The following BLTP3A variants were observed in gnomAD, a reference collection of about 807,000 sequenced individuals.
BLTP3A encodes the protein ICBP90 binding protein 1.
At chr6:34,842,071 T>TA in the BLTP3A span, among the ~76,000 whole-genome samples, 1 of 152,224 alleles carries the variant, frequency 6.6e-6, no homozygotes, top group Non-Finnish European at 1.5e-5. Context: ...TGATAATTGT[T>TA]AATTATATTT....
At chr6:34,836,489 C>T in the BLTP3A span, 2 of 734,888 alleles carry the variant, frequency 2.7e-6, no homozygotes, top group African/African-American at 1.8e-5. Context: ...ATTCCTTGGG[C>T]CTCAGCCCTC....
chr6:34,871,935 TAACAG>T, the BLTP3A span: 1 of 1,612,496 alleles, frequency 6.2e-7, no homozygotes. Flanking sequence ...GGTGAGGACC[TAACAG>T]AACAGTAGCT....
the BLTP3A span, among the ~76,000 whole-genome samples, chr6:34,810,446 A>G: frequency 6.6e-6 from 1 of 152,228 alleles, no homozygotes; most frequent in Admixed American, 6.5e-5. Context: ...TTATCACAGC[A>G]GTATAGCGTG....
At chr6:34,863,986 T>C in the BLTP3A span, 656 of 1,565,936 alleles carry the variant, frequency 4.2e-4, no homozygotes, top group Non-Finnish European at 5.4e-4. Flanking sequence ...TGGTTTTTGT[T>C]TTTTTTTTTA....
the BLTP3A span, among the ~76,000 whole-genome samples, chr6:34,829,281 G>T: frequency 6.6e-6 from 1 of 151,980 alleles, no homozygotes; most frequent in African/African-American, 2.4e-5. Flanking sequence ...CTTAGCCCTA[G>T]GCAACCACTC....
At chr6:34,862,164 G>A in the BLTP3A span, among the ~76,000 whole-genome samples, 8 of 151,960 alleles carry the variant, frequency 5.3e-5, no homozygotes, top group Admixed American at 2.0e-4. Context: ...AGATCACGAG[G>A]CCAGGAGATG....
the BLTP3A span, chr6:34,834,346 C>G: frequency 6.2e-7 from 1 of 1,613,994 alleles, no homozygotes; most frequent in South Asian, 1.1e-5. Flanking sequence ...ATAGTGTCAA[C>G]CCCAACTGGC....
the BLTP3A span, among the ~76,000 whole-genome samples, chr6:34,811,032 C>T: frequency 4.6e-5 from 7 of 152,154 alleles, no homozygotes; most frequent in Admixed American, 1.3e-4. Flanking sequence ...CAAGTTGTCA[C>T]AAATCTCCAA....
chr6:34,856,228 T>G, the BLTP3A span: 1 of 1,605,840 alleles, frequency 6.2e-7, no homozygotes, highest in African/African-American at 1.3e-5. Context: ...TTTCACTTCT[T>G]CGTTGCACAG....
the BLTP3A span, among the ~76,000 whole-genome samples, chr6:34,843,162 G>A: frequency 6.6e-6 from 1 of 151,816 alleles, no homozygotes; most frequent in South Asian, 2.1e-4. Flanking sequence ...TTTTGTATTT[G>A]TTGTAGAGAT....
the BLTP3A span, among the ~76,000 whole-genome samples, chr6:34,833,161 G>C: frequency 6.6e-6 from 1 of 152,124 alleles, no homozygotes; most frequent in East Asian, 1.9e-4. Flanking sequence ...ACCAAATGCA[G>C]ATCAAAATAT....
At chr6:34,801,130 G>A in the BLTP3A span, among the ~76,000 whole-genome samples, 3 of 152,182 alleles carry the variant, frequency 2.0e-5, no homozygotes, top group South Asian at 6.2e-4. Flanking sequence ...TCTTTAGAGT[G>A]CATTGGTTGT....
chr6:34,813,123 C>G, the BLTP3A span, among the ~76,000 whole-genome samples: 1 of 152,116 alleles, frequency 6.6e-6, no homozygotes, highest in African/African-American at 2.4e-5. Flanking sequence ...GAGCTGAAGT[C>G]GACTGACTGT....
At chr6:34,875,295 A>G in the BLTP3A span, 1 of 152,382 alleles carries the variant, frequency 6.6e-6, no homozygotes, top group Non-Finnish European at 1.5e-5. Context: ...GTTGATCTGA[A>G]TGGATCACTG....
At chr6:34,850,542 T>C in the BLTP3A span, among the ~76,000 whole-genome samples, 1 of 152,186 alleles carries the variant, frequency 6.6e-6, no homozygotes, top group Admixed American at 6.6e-5. Flanking sequence ...TGCTTCATTC[T>C]TTTTTATTCT....
the BLTP3A span, chr6:34,872,374 C>T: frequency 6.2e-7 from 1 of 1,613,170 alleles, no homozygotes; most frequent in Non-Finnish European, 8.5e-7. Flanking sequence ...TTGGCCAATG[C>T]CAACCAGGAT....
chr6:34,792,362 A>C, the BLTP3A span: 1 of 1,410,678 alleles, frequency 7.1e-7, no homozygotes, highest in Non-Finnish European at 9.4e-7. Flanking sequence ...CTCCTCCCTG[A>C]CGCCGCGCTC....
At chr6:34,849,335 T>A in the BLTP3A span, among the ~76,000 whole-genome samples, 20 of 152,092 alleles carry the variant, frequency 1.3e-4, no homozygotes, top group Non-Finnish European at 2.5e-4. Context: ...TTTTTTTTTT[T>A]ATTTGAAATT....
the BLTP3A span, among the ~76,000 whole-genome samples, chr6:34,799,491 GAA>G: frequency 7.7e-6 from 1 of 130,008 alleles, no homozygotes. Flanking sequence ...CCCTGTCTGG[GAA>G]AAAAAAAAAA....
Sources: gnomAD v4.1 joint callset for allele counts (sites outside exome capture counted in the v4.1 genomes callset) on GRCh38, gnomAD v4.1.1 for gene constraint, MANE v1.5 for transcripts, NCBI Gene and HGNC (gene_info 2026-07-23, HGNC 2026-07-21) for gene names.